ZNF385D: variants seen among roughly 807,000 people sequenced by gnomAD.
ZNF385D encodes the protein zinc finger protein 385D.
ZNF385D carries 15 observed loss-of-function variants against 35.8 expected under a neutral mutation model. That is an observed-to-expected ratio of 0.42 (90% CI 0.28 to 0.64). The LOEUF is 0.64. Ranked by LOEUF, ZNF385D falls within the 30% of genes least tolerant of loss-of-function variation. The pLI is 0.23. For missense variants in ZNF385D, 474 were observed against 494.6 expected (o/e 0.96, Z 0.39); for synonymous variants, 212 against 186.8 (o/e 1.13, Z -1.10).
At chr3:21,590,510 GAAT>G (rs1239331468) in intron 2 of ZNF385D, among the ~76,000 whole-genome samples, 1 of 151,918 alleles carries the variant, frequency 6.6e-6, no homozygotes, top group Non-Finnish European at 1.5e-5. Context: ...AGAATTTATA[GAAT>G]AATATAACTT....
chr3:21,628,396 T>C (rs1375035302), intron 2 of ZNF385D, among the ~76,000 whole-genome samples: 1 of 152,122 alleles, frequency 6.6e-6, no homozygotes, highest in African/African-American at 2.4e-5. Flanking sequence ...ATTTAGTCCT[T>C]AGTCTGCCAC....
chr3:21,717,654 C>T (rs962778105), intron 1 of ZNF385D, among the ~76,000 whole-genome samples: 5 of 152,102 alleles, frequency 3.3e-5, no homozygotes, highest in Admixed American at 1.3e-4. Context: ...ATCAGGGGGG[C>T]GGTTTCCCCC....
chr3:22,089,957 G>C (rs929409003), intron 3 of ZNF385D, among the ~76,000 whole-genome samples: 1 of 152,044 alleles, frequency 6.6e-6, no homozygotes, highest in African/African-American at 2.4e-5. Flanking sequence ...CCCTGCCTCA[G>C]CCTCTCGAGT....
intron 3 of ZNF385D, among the ~76,000 whole-genome samples, chr3:22,080,535 C>T (rs984295162): frequency 1.3e-5 from 2 of 151,880 alleles, no homozygotes; most frequent in Admixed American, 1.3e-4. Flanking sequence ...CAGTTATTAA[C>T]TTTATAAACT....
chr3:21,937,050 G>A (rs1701295771), intron 3 of ZNF385D, among the ~76,000 whole-genome samples: 1 of 152,130 alleles, frequency 6.6e-6, no homozygotes, highest in Non-Finnish European at 1.5e-5. Context: ...TTCTTTGTCA[G>A]AGAGATTTGC....
chr3:21,524,355 C>A (rs961008088), intron 3 of ZNF385D, among the ~76,000 whole-genome samples: 9 of 152,162 alleles, frequency 5.9e-5, no homozygotes, highest in African/African-American at 2.2e-4. Flanking sequence ...GAAACACAAT[C>A]CTTCATCAGC....
chr3:21,970,953 G>A (rs528319933), intron 3 of ZNF385D, among the ~76,000 whole-genome samples: 2 of 152,016 alleles, frequency 1.3e-5, no homozygotes, highest in South Asian at 2.1e-4. Context: ...TCATCTTAGA[G>A]TACTATATCC....
intron 3 of ZNF385D, among the ~76,000 whole-genome samples, chr3:21,839,297 C>A (rs1266728713): frequency 6.6e-6 from 1 of 151,996 alleles, no homozygotes; most frequent in East Asian, 1.9e-4. Context: ...TTATGAAATT[C>A]TCAGGAGTAG....
At chr3:22,143,012 A>G (rs976601427) in intron 3 of ZNF385D, among the ~76,000 whole-genome samples, 1 of 149,800 alleles carries the variant, frequency 6.7e-6, no homozygotes, top group African/African-American at 2.5e-5. Flanking sequence ...GAATGACAAT[A>G]ATAATAAAAA....
At chr3:22,179,593 G>A (rs1695083749) in intron 2 of ZNF385D, among the ~76,000 whole-genome samples, 2 of 152,122 alleles carry the variant, frequency 1.3e-5, no homozygotes, top group Admixed American at 6.5e-5. Flanking sequence ...TCTCCTGCCT[G>A]ATTGCCCTGG....
intron 2 of ZNF385D, among the ~76,000 whole-genome samples, chr3:22,226,701 A>G (rs1293461503): frequency 6.6e-6 from 1 of 152,126 alleles, no homozygotes; most frequent in Non-Finnish European, 1.5e-5. Flanking sequence ...TCATCCATTT[A>G]TAGCATCCTC....
At chr3:21,608,880 A>G (rs1002393078) in intron 2 of ZNF385D, among the ~76,000 whole-genome samples, 3 of 152,232 alleles carry the variant, frequency 2.0e-5, no homozygotes, top group African/African-American at 7.2e-5. Flanking sequence ...ACTAAGTATC[A>G]TCCATTCTTA....
intron 2 of ZNF385D, among the ~76,000 whole-genome samples, chr3:22,232,159 G>A (rs758779575): frequency 1.3e-5 from 2 of 151,990 alleles, no homozygotes; most frequent in Non-Finnish European, 2.9e-5. Flanking sequence ...ACTTTCTTGC[G>A]CTCATATTGT....
At position 21,797,992 on chromosome 3, in the gene ZNF385D, A is replaced by G. The variant is rs908133597; in HGVS notation, c.326-132964T>C. On this transcript the variant is annotated intron_variant, in intron 3 of 5. Transcript: ENST00000494108. Reference sequence around the variant, plus strand: ...TCAAACCCATAAAATGTACAACACCAACAGTGAACCCTAGTGCTGTAGTGT... The same window carrying G: ...TCAAACCCATAAAATGTACAACACCGACAGTGAACCCTAGTGCTGTAGTGT... Among the ~76,000 whole-genome samples, 11 of 152,192 alleles carry G rather than the reference A, an allele frequency of 7.2e-5. 1 individual carries two copies. The highest frequency in any genetic ancestry group is 2.7e-4 in the African/African-American group (11 of 41,462).
chr3:22,146,311 A>C (rs1704849120), intron 3 of ZNF385D, among the ~76,000 whole-genome samples: 1 of 152,198 alleles, frequency 6.6e-6, no homozygotes, highest in African/African-American at 2.4e-5. Flanking sequence ...CTGTTAATTA[A>C]GCACGCTAAA....
intron 2 of ZNF385D, among the ~76,000 whole-genome samples, chr3:21,624,695 C>G (rs1276367455): frequency 2.6e-5 from 4 of 151,976 alleles, no homozygotes; most frequent in Non-Finnish European, 1.5e-5. Flanking sequence ...CTCAGAAGAC[C>G]CAACTCAAGC....
chr3:21,915,100 C>T (rs1396866420), intron 3 of ZNF385D, among the ~76,000 whole-genome samples: 1 of 151,298 alleles, frequency 6.6e-6, no homozygotes, highest in Non-Finnish European at 1.5e-5. Flanking sequence ...TTTTTAACAC[C>T]TTACATACTT....
intron 3 of ZNF385D, among the ~76,000 whole-genome samples, chr3:21,850,604 A>G (rs1447855684): frequency 9.2e-5 from 14 of 152,162 alleles, no homozygotes; most frequent in African/African-American, 3.4e-4. Flanking sequence ...CCCAAGCCAG[A>G]AAAGATCAAT....
At chr3:22,066,532 CTGTGTGTGTGTGTGTGTG>C (rs10536628) in intron 3 of ZNF385D, among the ~76,000 whole-genome samples, 1,651 of 91,310 alleles carry the variant, frequency 0.018, 56 homozygotes, top group African/African-American at 0.064. Context: ...AGATGGTTCC[CTGTGTGTGTGTGTGTGTG>C]TGTGTGTGTG....
Sources: gnomAD v4.1 joint callset for allele counts (sites outside exome capture counted in the v4.1 genomes callset) on GRCh38, gnomAD v4.1.1 for gene constraint, MANE v1.5 for transcripts, NCBI Gene and HGNC (gene_info 2026-07-23, HGNC 2026-07-21) for gene names.